The following NFAT5 variants were observed in gnomAD, a reference collection of about 807,000 sequenced individuals.
NFAT5 encodes the protein nuclear factor of activated T cells 5.
A neutral mutation model predicts 166.5 loss-of-function variants in NFAT5; 31 were observed. That is an observed-to-expected ratio of 0.19 (90% CI 0.14 to 0.25). The LOEUF (loss-of-function observed/expected upper bound fraction) is 0.25. Ranked by LOEUF, NFAT5 falls within the 10% of genes least tolerant of loss-of-function variation. The pLI, the probability that NFAT5 is intolerant of heterozygous loss-of-function variation, is 1.00. For synonymous variants in NFAT5, 612 were observed against 639.7 expected, an observed-to-expected ratio of 0.96 and a Z score of 0.65; for missense variants, 1,449 against 1,821.8, an observed-to-expected ratio of 0.80 and a Z score of 3.72.
intron 3 of NFAT5, among the ~76,000 whole-genome samples, chr16:69,638,984 A>G (rs140409677): frequency 6.2e-4 from 94 of 152,064 alleles, no homozygotes; most frequent in African/African-American, 2.2e-3. Flanking sequence ...ACTTCCTGGT[A>G]TATTTGGCAG....
intron 3 of NFAT5, among the ~76,000 whole-genome samples, chr16:69,641,495 G>A (rs1272830058): frequency 6.6e-6 from 1 of 151,694 alleles, no homozygotes; most frequent in Non-Finnish European, 1.5e-5. Flanking sequence ...TCAAATGTTA[G>A]GGATCAAATT....
At chr16:69,568,385 TATATATATAC>T (rs1299587615) in intron 1 of NFAT5, 100 bp from the exon 2 acceptor site, 17 of 358,712 alleles carry the variant, frequency 4.7e-5, no homozygotes, top group Middle Eastern at 7.7e-4. Flanking sequence ...TGTATATATA[TATATATATAC>T]ACACACACAC....
rs1381292733 is a variant in NFAT5, at chr16:69,566,627, C to T, written c.73+253C>T. 6.6e-6 allele frequency among the ~76,000 whole-genome samples: 1 copy of T among 151,954 alleles called. No homozygotes were observed. ...CCAGATTCCGTCGGCCCCCGGGGCT[C>T]TGCGGCACCGGTCGCTTCTAGCCGC... On this transcript the variant is annotated intron_variant, in intron 1 of 14. Transcript: ENST00000349945. This position sits in a 1 kb window ranked among gnomAD's most constrained non-coding sequence, Gnocchi z 5.7.
chr16:69,677,057 A>G (rs1036124452), intron 9 of NFAT5, 146 bp from the exon 10 acceptor site: 10 of 705,510 alleles, frequency 1.4e-5, no homozygotes, highest in Non-Finnish European at 2.3e-5. Flanking sequence ...TAATATCCTG[A>G]TGCCTGTGAA....
intron 6 of NFAT5, among the ~76,000 whole-genome samples, chr16:69,656,282 CAAA>C (rs1230748739): frequency 1.0e-4 from 6 of 58,872 alleles, no homozygotes; most frequent in Admixed American, 1.8e-4. Flanking sequence ...CTCTGTCTCA[CAAA>C]AAAAAAAAAA....
intron 3 of NFAT5, among the ~76,000 whole-genome samples, chr16:69,645,501 G>T (rs1046449112): frequency 4.6e-5 from 7 of 151,924 alleles, no homozygotes; most frequent in African/African-American, 1.7e-4. Context: ...ATTCTGGGTG[G>T]ATATAGTTCA....
At chr16:69,577,528 G>A (rs2016826309) in intron 2 of NFAT5, among the ~76,000 whole-genome samples, 1 of 152,050 alleles carries the variant, frequency 6.6e-6, no homozygotes, top group Non-Finnish European at 1.5e-5. Context: ...GTGCTTGAAC[G>A]ACAACAAAAA....
intron 9 of NFAT5, among the ~76,000 whole-genome samples, chr16:69,671,873 G>C (rs2036635332): frequency 6.6e-6 from 1 of 152,212 alleles, no homozygotes; most frequent in Non-Finnish European, 1.5e-5. Flanking sequence ...TTGGTGTCCA[G>C]AGTTATTATT....
At chr16:69,653,140 T>C in intron 4 of NFAT5, 96 bp from the exon 5 acceptor site, 1 of 762,854 alleles carries the variant, frequency 1.3e-6, no homozygotes, top group Non-Finnish European at 2.0e-6. Flanking sequence ...TTTACTATTA[T>C]TGCCAGTTCT....
intron 3 of NFAT5, among the ~76,000 whole-genome samples, chr16:69,631,142 A>G (rs999407811): frequency 1.2e-4 from 19 of 152,248 alleles, no homozygotes; most frequent in African/African-American, 4.3e-4. Context: ...TAAACAATGA[A>G]TTAAACTAGG....
intron 2 of NFAT5, among the ~76,000 whole-genome samples, chr16:69,581,454 A>G (rs2031686907): frequency 6.6e-6 from 1 of 152,204 alleles, no homozygotes; most frequent in South Asian, 2.1e-4. Context: ...GGGTCTGTCT[A>G]TACATAGGAG....
intron 3 of NFAT5, chr16:69,646,448 A>G (rs1033727157): frequency 3.1e-6 from 2 of 650,650 alleles, no homozygotes; most frequent in Non-Finnish European, 4.5e-6. Context: ...TTTATTTCTC[A>G]TTTTATAATT....
chr16:69,629,478 T>G (rs373646351), intron 3 of NFAT5, among the ~76,000 whole-genome samples: 19 of 152,204 alleles, frequency 1.2e-4, no homozygotes, highest in Admixed American at 1.3e-4. Flanking sequence ...TGCACTCCCA[T>G]CAATAATATA....
chr16:69,668,842 C>T (rs943427827), intron 7 of NFAT5, among the ~76,000 whole-genome samples: 2 of 152,074 alleles, frequency 1.3e-5, no homozygotes, highest in Non-Finnish European at 2.9e-5. Flanking sequence ...CCACGCCCAG[C>T]TAATTTTTTG....
chr16:69,655,369 T>C (rs1355928777), intron 5 of NFAT5, among the ~76,000 whole-genome samples: 1 of 152,202 alleles, frequency 6.6e-6, no homozygotes, highest in Non-Finnish European at 1.5e-5. Context: ...TGATAATTTA[T>C]CATCTAACAT....
At chr16:69,684,255 C>CAA (rs558716074) in intron 10 of NFAT5, among the ~76,000 whole-genome samples, 8 of 84,436 alleles carry the variant, frequency 9.5e-5, no homozygotes, top group African/African-American at 2.0e-4. Flanking sequence ...GAGACTGCCT[C>CAA]AAAAAAAAAA....
At chr16:69,668,835 C>T (rs987472945) in intron 7 of NFAT5, among the ~76,000 whole-genome samples, 10 of 152,114 alleles carry the variant, frequency 6.6e-5, no homozygotes, top group Non-Finnish European at 1.0e-4. Flanking sequence ...CCCACCACCA[C>T]GCCCAGCTAA....
chr16:69,693,800 A>T lies in NFAT5; in HGVS notation c.3975A>T (p.Ser1325=). 6.2e-7 allele frequency: 1 copy of T among 1,614,230 alleles called. No individual in the cohort carries two copies. Among genetic ancestry groups the T allele is most frequent in the Non-Finnish European group, 8.5e-7 (1 of 1,180,042 alleles). Residue 1325 remains serine, a synonymous_variant, in exon 13 of 15, where the codon TCA becomes TCT. Coordinates refer to ENST00000349945, the MANE Select transcript of NFAT5 (RefSeq NM_138713.4). ...PMANQEQQNQ[S]IFHQQSNMAP... Reference sequence around the variant, plus strand: ...CTAATCAGGAGCAACAGAACCAGTCAATTTTTCACCAACAAAGTAACATGG... The same window carrying T: ...CTAATCAGGAGCAACAGAACCAGTCTATTTTTCACCAACAAAGTAACATGG...
chr16:69,580,592 A>G lies in NFAT5; in HGVS notation c.127+12044A>G, dbSNP rs919269037. On this transcript the variant is annotated intron_variant, in intron 2 of 14. Transcript: ENST00000349945. ...GCAGGGTTTATCTTCCTAAAATACAAATCCAAACTTATCACTTGCTTAAAT... is the reference window on the plus strand; with the variant it reads ...GCAGGGTTTATCTTCCTAAAATACAGATCCAAACTTATCACTTGCTTAAAT... 7.2e-5 allele frequency among the ~76,000 whole-genome samples: 11 copies of G among 152,278 alleles called. 1 individual carries two copies. The highest frequency in any genetic ancestry group is 2.6e-4 in the African/African-American group (11 of 41,562).
Sources: gnomAD v4.1 joint callset for allele counts (sites outside exome capture counted in the v4.1 genomes callset) on GRCh38, gnomAD v4.1.1 for gene constraint, Gnocchi (gnomAD v3.1) non-coding constraint, MANE v1.5 for transcripts, NCBI Gene and HGNC (gene_info 2026-07-23, HGNC 2026-07-21) for gene names.